Variants in ATF7IP2 observed in about 807,000 individuals in gnomAD.
ATF7IP2 encodes the protein activating transcription factor 7 interacting protein 2, also known as activating transcription factor 7-interacting protein 2.
Under a neutral mutation model 64.2 loss-of-function variants are expected in ATF7IP2, and 42 were observed. The observed-to-expected ratio is 0.65, with a 90% confidence interval of 0.51 to 0.85. The LOEUF (loss-of-function observed/expected upper bound fraction) is 0.85. ATF7IP2 is among the 40% of genes least tolerant of loss of function. The probability of loss-of-function intolerance (pLI) is 0.00; values close to 1 mark genes in which losing one functional copy is unlikely to be tolerated. For synonymous variants in ATF7IP2, 308 were observed against 272.8 expected (o/e 1.13, Z -1.27); for missense variants, 933 against 784.2 (o/e 1.19, Z -2.27).
chr16:10,406,358 A>C (rs1054529127), intron 1 of ATF7IP2, among the ~76,000 whole-genome samples: 1 of 152,220 alleles, frequency 6.6e-6, no homozygotes, highest in East Asian at 1.9e-4. Context: ...CACTTGCCTC[A>C]GCCTTCCAAA....
intron 12 of ATF7IP2, among the ~76,000 whole-genome samples, chr16:10,474,827 C>G (rs2049943773): frequency 6.6e-6 from 1 of 152,108 alleles, no homozygotes; most frequent in Non-Finnish European, 1.5e-5. Flanking sequence ...TAGGCTAGAA[C>G]AATGCAAGCC....
intron 1 of ATF7IP2, among the ~76,000 whole-genome samples, chr16:10,409,490 G>C (rs1284542592): frequency 1.1e-4 from 8 of 69,890 alleles, no homozygotes; most frequent in African/African-American, 7.3e-4. Flanking sequence ...TTAAATCCTT[G>C]ATCCATTTTT....
chr16:10,416,729 G>A (rs549246472), intron 2 of ATF7IP2, among the ~76,000 whole-genome samples: 6 of 152,250 alleles, frequency 3.9e-5, no homozygotes, highest in South Asian at 2.1e-4. Context: ...CCCAGTAGGC[G>A]GAGGTTGCAT....
intron 9 of ATF7IP2, among the ~76,000 whole-genome samples, chr16:10,465,882 C>G (rs1446468338): frequency 2.0e-5 from 3 of 152,072 alleles, no homozygotes; most frequent in Non-Finnish European, 4.4e-5. Flanking sequence ...TAAGCATTAA[C>G]AGCTTTATAT....
At chr16:10,456,476 T>G (rs1282269890) in intron 8 of ATF7IP2, among the ~76,000 whole-genome samples, 1 of 152,174 alleles carries the variant, frequency 6.6e-6, no homozygotes, top group African/African-American at 2.4e-5. Flanking sequence ...TGTTTAGGTT[T>G]AGTGTGTAGA....
At chr16:10,457,273 C>T (rs2049201999) in intron 8 of ATF7IP2, 99 bp from the exon 9 acceptor site, 1 of 969,130 alleles carries the variant, frequency 1.0e-6, no homozygotes, top group Non-Finnish European at 1.5e-6. Context: ...TTATGTTTTG[C>T]CATATGTATG....
intron 1 of ATF7IP2, among the ~76,000 whole-genome samples, chr16:10,410,880 T>C (rs944881014): frequency 5.9e-5 from 9 of 152,244 alleles, no homozygotes; most frequent in African/African-American, 2.2e-4. Context: ...CATTGAGGTA[T>C]GTCCTTTGTA....
intron 12 of ATF7IP2, among the ~76,000 whole-genome samples, chr16:10,476,710 T>C (rs1567179281): frequency 6.6e-6 from 1 of 152,152 alleles, no homozygotes; most frequent in Non-Finnish European, 1.5e-5. Flanking sequence ...CCTATGTCCA[T>C]GTGTTCTCAT....
Position 10,482,443 on chromosome 16 carries a change from G to C in ATF7IP2, c.*194G>C, listed in dbSNP as rs1286472673. The C allele has an allele frequency of 2.0e-6, 1 of 490,004 alleles. No homozygotes were observed. Among genetic ancestry groups the C allele is most frequent in the Non-Finnish European group, 3.6e-6 (1 of 280,224 alleles). 30.4% of individuals were successfully genotyped at this position (490,004 alleles called of 1,614,324 possible). A position where few individuals can be genotyped will look rare whatever the true frequency, so the allele number is the denominator to read the frequency against. On this transcript the variant is annotated 3_prime_UTR_variant, in exon 14 of 14. Transcript: ENST00000562102. ...TTTGTATTAAATATGTCCTTCCAAT[G>C]GATAAGTTCTAAAACATACGCTATC...
chr16:10,390,915 T>C (rs988947666), intron 1 of ATF7IP2, among the ~76,000 whole-genome samples: 1 of 151,952 alleles, frequency 6.6e-6, no homozygotes, highest in South Asian at 2.1e-4. Context: ...GTAATCCCAA[T>C]GGTTTAGGAG....
intron 3 of ATF7IP2, among the ~76,000 whole-genome samples, chr16:10,422,162 C>G (rs962292925): frequency 2.0e-5 from 3 of 152,194 alleles, no homozygotes; most frequent in African/African-American, 7.2e-5. Flanking sequence ...ACTAAGTCCT[C>G]TAAAGCCTCC....
At chr16:10,457,349 C>T (rs752343090) in intron 8 of ATF7IP2, 23 bp from the exon 9 acceptor site, 1 of 1,578,998 alleles carries the variant, frequency 6.3e-7, no homozygotes, top group South Asian at 1.2e-5. Context: ...CCTTCAACTG[C>T]TTTTTTCTCA....
In ATF7IP2 at chr16:10,482,233, C is replaced by G. The variant is rs2050262161; in HGVS notation, c.2033C>G (p.Ser678Cys). 6.3e-7 allele frequency: 1 copy of G among 1,582,816 alleles called. No individual in the cohort carries two copies. The highest frequency in any genetic ancestry group is 8.6e-7 in the Non-Finnish European group (1 of 1,168,492). The stretch of plus-strand genomic sequence containing the variant: ...GATATAAAATCTATCCCTGGGTTTT[C>G]TGAAAATCTTACGTAAAAGGTGTTT... ...FCDIKSIPGF[S>C]ENLT Residue 678 changes from serine (S) to cysteine (C), a missense_variant, in exon 14 of 14, where the codon TCT (serine) becomes TGT (cysteine). Coordinates refer to ENST00000562102, the MANE Select transcript of ATF7IP2 (RefSeq NM_001393719.1).
chr16:10,470,847 ATATATATG>A (rs1567174024), intron 9 of ATF7IP2, among the ~76,000 whole-genome samples: 19 of 127,168 alleles, frequency 1.5e-4, no homozygotes, highest in African/African-American at 7.7e-4. Context: ...ATGTGTGTGT[ATATATATG>A]TGTGTGTGTG....
intron 8 of ATF7IP2, chr16:10,448,358 T>C (rs911924805): frequency 1.3e-5 from 2 of 152,238 alleles, no homozygotes; most frequent in Non-Finnish European, 2.9e-5. Context: ...TAAATTACTT[T>C]GGGCAGTATG....
chr16:10,428,708 G>A (rs1020512345), intron 3 of ATF7IP2, among the ~76,000 whole-genome samples, 160 bp from the exon 4 acceptor site: 4 of 152,086 alleles, frequency 2.6e-5, no homozygotes, highest in Non-Finnish European at 4.4e-5. Flanking sequence ...GAACCAGAAG[G>A]TAATCAGGAA....
At chr16:10,456,887 T>G (rs1448713526) in intron 8 of ATF7IP2, among the ~76,000 whole-genome samples, 1 of 152,200 alleles carries the variant, frequency 6.6e-6, no homozygotes, top group African/African-American at 2.4e-5. Flanking sequence ...TGAATTAATG[T>G]ACATATATAT....
chr16:10,391,313 C>T (rs1298468033), intron 1 of ATF7IP2, among the ~76,000 whole-genome samples: 2 of 152,066 alleles, frequency 1.3e-5, no homozygotes, highest in East Asian at 3.9e-4. Context: ...CCCAGCTACT[C>T]AGGAGGCTGA....
rs1368538462 is a variant in ATF7IP2, at chr16:10,424,293, T to C, written c.-159-4575T>C. Among the ~76,000 whole-genome samples the C allele has an allele frequency of 2.0e-5, 3 of 152,262 alleles. No individual in the cohort carries two copies. In the East Asian group the frequency reaches 5.8e-4, roughly 29 times the overall value. ...CTGCAGAGATTTTGTTTATGGCCAG[T>C]TTTGGGGTCTGTTTATGGCTAGATT... On this transcript the variant is annotated intron_variant, in intron 3 of 13. Transcript: ENST00000562102.
Sources: gnomAD v4.1 joint callset for allele counts (sites outside exome capture counted in the v4.1 genomes callset) on GRCh38, gnomAD v4.1.1 for gene constraint, MANE v1.5 for transcripts, NCBI Gene and HGNC (gene_info 2026-07-23, HGNC 2026-07-21) for gene names.